STPG2: variants seen among roughly 807,000 people sequenced by gnomAD.
The protein encoded by STPG2 is sperm tail PG-rich repeat containing 2.
A neutral mutation model predicts 54.2 loss-of-function variants in STPG2; 56 were observed. The ratio of observed to expected loss-of-function variants is 1.03; its 90% CI spans 0.83 to 1.29. STPG2 has a LOEUF of 1.29. STPG2 is among the 50% of genes most tolerant of loss of function. The pLI is 0.00. For missense variants in STPG2, 596 were observed against 544.9 expected (o/e 1.09, Z -0.93); for synonymous variants, 200 against 181.8 (o/e 1.10, Z -0.81).
At chr4:97,942,341 C>T (rs917681335) in intron 8 of STPG2, among the ~76,000 whole-genome samples, 2 of 151,808 alleles carry the variant, frequency 1.3e-5, no homozygotes, top group Non-Finnish European at 2.9e-5. Context: ...ACAATGGATC[C>T]TGAGGTGTGT....
chr4:98,063,388 G>T (rs527953844), intron 5 of STPG2, among the ~76,000 whole-genome samples: 86 of 152,126 alleles, frequency 5.7e-4, no homozygotes, highest in African/African-American at 2.0e-3. Flanking sequence ...GGTGGAGATT[G>T]CAGTGAGCTG....
At chr4:97,493,703 A>G (rs918768317) in intron 4 of STPG2, among the ~76,000 whole-genome samples, 11 of 151,672 alleles carry the variant, frequency 7.3e-5, no homozygotes, top group South Asian at 2.1e-4. Flanking sequence ...ATTCCCATGA[A>G]AAAGTACATA....
At chr4:97,456,293 A>C (rs1311877096) in intron 4 of STPG2, among the ~76,000 whole-genome samples, 1 of 152,104 alleles carries the variant, frequency 6.6e-6, no homozygotes, top group African/African-American at 2.4e-5. Context: ...AGCAAAGGGG[A>C]AGCAAGCACA....
At chr4:97,880,630 T>C (rs1506439) in intron 8 of STPG2, among the ~76,000 whole-genome samples, 24,566 of 152,056 alleles carry the variant, frequency 0.16, 2,158 homozygotes, top group East Asian at 0.36. Flanking sequence ...GAATTGATCA[T>C]ATATGAGGTA....
At chr4:97,605,014 C>T (rs889266767) in intron 10 of STPG2, among the ~76,000 whole-genome samples, 1 of 151,734 alleles carries the variant, frequency 6.6e-6, no homozygotes, top group Non-Finnish European at 1.5e-5. Context: ...TCCCATTGGC[C>T]TAAGACGCTG....
chr4:97,914,093 G>A (rs992905426), intron 8 of STPG2, among the ~76,000 whole-genome samples: 1 of 152,114 alleles, frequency 6.6e-6, no homozygotes, highest in East Asian at 1.9e-4. Flanking sequence ...CCTTTGAAAT[G>A]ATTTATCTGA....
At chr4:97,700,488 A>G (rs955731106) in intron 10 of STPG2, among the ~76,000 whole-genome samples, 1 of 152,158 alleles carries the variant, frequency 6.6e-6, no homozygotes, top group Admixed American at 6.5e-5. Context: ...AATATCTCAA[A>G]AGGCCCCACA....
chr4:98,100,708 C>T (rs1332416765), intron 5 of STPG2, among the ~76,000 whole-genome samples: 2 of 127,556 alleles, frequency 1.6e-5, no homozygotes, highest in African/African-American at 6.0e-5. Flanking sequence ...CAGAGTCTTG[C>T]TCTGTCGCCC....
chr4:97,972,530 C>T, intron 6 of STPG2, 90 bp from the exon 7 acceptor site: 6 of 757,864 alleles, frequency 7.9e-6, no homozygotes, highest in Non-Finnish European at 7.6e-6. Context: ...GGGTTTTTTT[C>T]TAAATAAAAA....
chr4:98,115,292 C>A (rs1364249700), intron 3 of STPG2, among the ~76,000 whole-genome samples: 2 of 151,916 alleles, frequency 1.3e-5, no homozygotes, highest in Non-Finnish European at 2.9e-5. Context: ...TAGTTCCCAG[C>A]ATGTTATCAT....
chr4:97,877,082 CAT>C (rs1730203417), intron 8 of STPG2, among the ~76,000 whole-genome samples: 1 of 152,228 alleles, frequency 6.6e-6, no homozygotes, highest in African/African-American at 2.4e-5. Flanking sequence ...AACAATTTAT[CAT>C]GTTTTTGTGG....
chr4:97,454,109 T>C (rs1404637554), intron 4 of STPG2, among the ~76,000 whole-genome samples: 1 of 152,128 alleles, frequency 6.6e-6, no homozygotes, highest in Non-Finnish European at 1.5e-5. Context: ...AAATATATAA[T>C]ATTTAAAACA....
At chr4:98,025,098 T>A (rs78658457) in intron 5 of STPG2, among the ~76,000 whole-genome samples, 2,828 of 152,328 alleles carry the variant, frequency 0.019, 82 homozygotes, top group African/African-American at 0.063. Flanking sequence ...TATCAAGGAT[T>A]ACTTTAGTTT....
At chr4:97,926,027 C>T (rs116342103) in intron 8 of STPG2, among the ~76,000 whole-genome samples, 3,075 of 152,210 alleles carry the variant, frequency 0.02, 113 homozygotes, top group African/African-American at 0.07. Context: ...ATTCCTTATA[C>T]AATTTTATCT....
intron 6 of STPG2, among the ~76,000 whole-genome samples, chr4:97,974,239 C>T (rs1224317057): frequency 1.3e-5 from 2 of 152,196 alleles, no homozygotes; most frequent in African/African-American, 4.8e-5. Context: ...CAGTCAATTT[C>T]TCCCACTTGG....
chr4:97,739,749 G>A (rs1388544980), intron 9 of STPG2, among the ~76,000 whole-genome samples: 1 of 152,212 alleles, frequency 6.6e-6, no homozygotes, highest in African/African-American at 2.4e-5. Context: ...AAGAGTCCAG[G>A]ACCAGATGGA....
At position 97,971,927 on chromosome 4, in the gene STPG2, T is replaced by C. The variant is rs186693955; in HGVS notation, c.933+353A>G. Among the ~76,000 whole-genome samples the C allele has an allele frequency of 1.7e-3, 266 of 152,320 alleles. 2 individuals carry two copies. The highest frequency in any genetic ancestry group is 6.0e-3 in the African/African-American group (248 of 41,576). On this transcript the variant is annotated intron_variant, in intron 7 of 10. Coordinates refer to ENST00000295268, the MANE Select transcript of STPG2 (RefSeq NM_174952.3). ...AATTGTCTGGTTTATTCTCCCTAAGTCTTTACTTCTCTATATTAAGCATCT... is the reference window on the plus strand; with the variant it reads ...AATTGTCTGGTTTATTCTCCCTAAGCCTTTACTTCTCTATATTAAGCATCT...
intron 8 of STPG2, among the ~76,000 whole-genome samples, chr4:97,927,069 T>C (rs1341743062): frequency 1.3e-5 from 2 of 152,114 alleles, no homozygotes; most frequent in East Asian, 1.9e-4. Flanking sequence ...GGAGCTGAGA[T>C]TTAAAAAGTA....
intron 4 of STPG2, among the ~76,000 whole-genome samples, chr4:97,501,490 G>A (rs115810002): frequency 6.5e-4 from 99 of 152,032 alleles, no homozygotes; most frequent in African/African-American, 2.4e-3. Flanking sequence ...TAGGCAGATT[G>A]CCTGAGCTTA....
Sources: allele counts gnomAD v4.1 joint callset (sites outside exome capture counted in the v4.1 genomes callset), GRCh38; gene constraint gnomAD v4.1.1; transcripts MANE v1.5; gene names NCBI Gene and HGNC (gene_info 2026-07-23, HGNC 2026-07-21).